ISCA1: variants seen among roughly 807,000 people sequenced by gnomAD.
The protein encoded by ISCA1 is iron-sulfur cluster assembly 1, also known as iron-sulfur cluster assembly 1 homolog, mitochondrial.
ISCA1 carries 9 observed loss-of-function variants against 14.7 expected under a neutral mutation model. The ratio of observed to expected loss-of-function variants is 0.61; its 90% CI spans 0.37 to 1.07. The LOEUF (loss-of-function observed/expected upper bound fraction) is 1.07. Ranked by LOEUF, ISCA1 falls within the 50% of genes least tolerant of loss-of-function variation. The probability of loss-of-function intolerance (pLI) is 0.01; values close to 1 mark genes in which losing one functional copy is unlikely to be tolerated. For synonymous variants in ISCA1, 38 were observed against 54.3 expected (o/e 0.70, Z 1.32); for missense variants, 102 against 150.1 (o/e 0.68, Z 1.67).
At chr9:86,276,998 C>T (rs901378432) in intron 1 of ISCA1, among the ~76,000 whole-genome samples, 1 of 151,038 alleles carries the variant, frequency 6.6e-6, no homozygotes, top group Admixed American at 6.6e-5. Context: ...ACTGCATGAT[C>T]TAAACAAAAC....
At position 86,276,870 on chromosome 9, in the gene ISCA1, C is replaced by CAAAAA. The variant is rs35460722; in HGVS notation, c.82-2633_82-2629dup. ...TGGGAAACAGAGTGAGACTCTGTCTCAAAAAAAAAAAAAAAAAAAAAAAAA... is the reference window on the plus strand; with the variant it reads ...TGGGAAACAGAGTGAGACTCTGTCTCAAAAAAAAAAAAAAAAAAAAAAAAAAAAAA... On this transcript the variant is annotated intron_variant, in intron 1 of 3. Coordinates refer to ENST00000375991, the MANE Select transcript of ISCA1 (RefSeq NM_030940.4). Among the ~76,000 whole-genome samples the CAAAAA allele has an allele frequency of 1.4e-3, 56 of 39,898 alleles. 4 individuals are homozygous for CAAAAA. Among genetic ancestry groups the CAAAAA allele is most frequent in the African/African-American group, 4.0e-3 (41 of 10,292 alleles). 26.2% of individuals were successfully genotyped at this position (39,898 alleles called of 152,430 possible).
intron 3 of ISCA1, among the ~76,000 whole-genome samples, chr9:86,271,749 T>G (rs1825370792): frequency 6.6e-6 from 1 of 152,218 alleles, no homozygotes. Flanking sequence ...ACTAGGCCAC[T>G]TATTATGACC....
At position 86,266,733 on chromosome 9, in the gene ISCA1, C is replaced by CT. The variant is rs999523835; in HGVS notation, c.242-543dup. ...AGGTCAGCATCTTTGTAAATACAAT[C>CT]TTTTTTTTTTTGGACAGAGTCTCAC... On this transcript the variant is annotated intron_variant, in intron 3 of 3. Coordinates refer to ENST00000375991, the MANE Select transcript of ISCA1 (RefSeq NM_030940.4). The CT allele has an allele frequency of 1.4e-3, 203 of 146,624 alleles. 1 individual carries two copies. The highest frequency in any genetic ancestry group is 3.2e-3 in the African/African-American group (129 of 40,212). 9.1% of individuals were successfully genotyped at this position (146,624 alleles called of 1,614,324 possible).
At chr9:86,277,495 T>TA (rs976458246) in intron 1 of ISCA1, among the ~76,000 whole-genome samples, 2 of 152,128 alleles carry the variant, frequency 1.3e-5, no homozygotes, top group Admixed American at 6.5e-5. Flanking sequence ...AATCGAGCTA[T>TA]AAGAGGTACT....
chr9:86,280,603 A>G (rs1379630221), intron 1 of ISCA1, among the ~76,000 whole-genome samples: 9 of 151,458 alleles, frequency 5.9e-5, no homozygotes, highest in Non-Finnish European at 1.3e-4. Context: ...TCAAAAAAAA[A>G]AAAAAAAAAA....
At chr9:86,268,455 A>C (rs1459653273) in intron 3 of ISCA1, among the ~76,000 whole-genome samples, 4 of 151,784 alleles carry the variant, frequency 2.6e-5, no homozygotes, top group Non-Finnish European at 4.4e-5. Flanking sequence ...AAAAAAAAAA[A>C]AAAAACCCCA....
At chr9:86,280,153 A>G (rs1825492057) in intron 1 of ISCA1, among the ~76,000 whole-genome samples, 1 of 152,242 alleles carries the variant, frequency 6.6e-6, no homozygotes, top group East Asian at 1.9e-4. Flanking sequence ...TCCTAGTAAG[A>G]GGTGGCAAAG....
At chr9:86,267,808 G>A (rs779351302) in intron 3 of ISCA1, 1 of 158,532 alleles carries the variant, frequency 6.3e-6, no homozygotes, top group Non-Finnish European at 1.4e-5. Context: ...ACTCCAGCCT[G>A]GGTGAGAGAG....
At chr9:86,276,299 C>T (rs1277060584) in intron 1 of ISCA1, among the ~76,000 whole-genome samples, 1 of 152,046 alleles carries the variant, frequency 6.6e-6, no homozygotes, top group African/African-American at 2.4e-5. Context: ...AGGTGGAGCT[C>T]GCTTAGGTGG....
In ISCA1 at chr9:86,282,477, C is replaced by CCGGTGCCT; in HGVS notation, c.-27_-20dup. The stretch of plus-strand genomic sequence containing the variant: ...CCGACATCTTCGCCGTCCCGGCGCC[C>CCGGTGCCT]CGGTGCCTCGGGCCGAAGGTCGGCC... On this transcript the variant is annotated 5_prime_UTR_variant, in exon 1 of 4. Transcript: ENST00000375991. 3 of 1,550,836 alleles carry CCGGTGCCT rather than the reference C, an allele frequency of 1.9e-6. No homozygotes were observed. Among genetic ancestry groups the CCGGTGCCT allele is most frequent in the Non-Finnish European group, 2.6e-6 (3 of 1,147,160 alleles).
intron 1 of ISCA1, among the ~76,000 whole-genome samples, chr9:86,281,792 G>C (rs2131229685): frequency 6.6e-6 from 1 of 152,384 alleles, no homozygotes; most frequent in East Asian, 1.9e-4. Flanking sequence ...TAGAGGCACA[G>C]AGGGAGTTTC....
At chr9:86,276,271 C>A (rs556908316) in intron 1 of ISCA1, among the ~76,000 whole-genome samples, 1 of 151,796 alleles carries the variant, frequency 6.6e-6, no homozygotes, top group Non-Finnish European at 1.5e-5. Flanking sequence ...AATCTAATGC[C>A]CCTGATGATC....
rs1292312566 is a variant in ISCA1 at position 86,281,019 on chromosome 9, G to A, written c.81+1359C>T. On this transcript the variant is annotated intron_variant, in intron 1 of 3. Transcript: ENST00000375991. ...GGTTGCTAAAAAGCAAAAAAGAAAA[G>A]GCAAAAACTGTTCCTGAACCTTCTG... 3.3e-5 allele frequency among the ~76,000 whole-genome samples: 5 copies of A among 151,066 alleles called. No homozygotes were observed. In the East Asian group the frequency reaches 9.7e-4, roughly 29 times the overall value.
rs11141322 is a variant in ISCA1 at position 86,267,437 on chromosome 9, G to A, written c.242-1246C>T. On this transcript the variant is annotated intron_variant, in intron 3 of 3. Coordinates refer to ENST00000375991, the MANE Select transcript of ISCA1 (RefSeq NM_030940.4). Reference sequence around the variant, plus strand: ...TTAGTTTAATAAGAAAGCACACTTAGGAATCTAGGCCTCATTCTCCCATGT... The same window carrying A: ...TTAGTTTAATAAGAAAGCACACTTAAGAATCTAGGCCTCATTCTCCCATGT... 6.3e-6 allele frequency: 6 copies of A among 947,926 alleles called. No individual in the cohort carries two copies. In the South Asian group the frequency reaches 2.9e-4, roughly 46 times the overall value. The allele number at this position is 947,926 out of a possible 1,614,324, so 58.7% of individuals were successfully genotyped here. A position where few individuals can be genotyped will look rare whatever the true frequency, so the allele number is the denominator to read the frequency against.
chr9:86,270,103 A>C lies in ISCA1; in HGVS notation c.241+1904T>G, dbSNP rs1289733120. Among the ~76,000 whole-genome samples the C allele has an allele frequency of 1.0e-4, 15 of 150,462 alleles. No homozygotes were observed. The East Asian group carries it at 2.5e-3, about 25-fold the overall frequency. ...CAAAATTGACAAATGGGATCTAATT[A>C]AACTAAAGAGCTTCTGCACAGCAAA... On this transcript the variant is annotated intron_variant, in intron 3 of 3. Coordinates refer to ENST00000375991, the MANE Select transcript of ISCA1 (RefSeq NM_030940.4).
chr9:86,278,046 T>G (rs1825461390), intron 1 of ISCA1, among the ~76,000 whole-genome samples: 1 of 152,198 alleles, frequency 6.6e-6, no homozygotes, highest in African/African-American at 2.4e-5. Flanking sequence ...CAATTTTCAT[T>G]TTTTGCTGTT....
intron 1 of ISCA1, among the ~76,000 whole-genome samples, chr9:86,275,518 C>T (rs1825430310): frequency 1.3e-5 from 2 of 152,184 alleles, no homozygotes; most frequent in Admixed American, 1.3e-4. Context: ...ACAGTACAGA[C>T]CCAGTTTAGA....
chr9:86,274,982 G>A (rs1467384109), intron 1 of ISCA1, among the ~76,000 whole-genome samples: 5 of 152,082 alleles, frequency 3.3e-5, no homozygotes. Context: ...GAAATAGGTC[G>A]GTGTTGCCAA....
At chr9:86,270,313 AT>A (rs1825353194) in intron 3 of ISCA1, among the ~76,000 whole-genome samples, 1 of 151,524 alleles carries the variant, frequency 6.6e-6, no homozygotes, top group African/African-American at 2.4e-5. Flanking sequence ...AAAAGAAGAC[AT>A]TTATGCAGCC....
Sources: allele counts gnomAD v4.1 joint callset (sites outside exome capture counted in the v4.1 genomes callset), GRCh38; gene constraint gnomAD v4.1.1; transcripts MANE v1.5; gene names NCBI Gene and HGNC (gene_info 2026-07-23, HGNC 2026-07-21).